FNIP1: variants seen among roughly 807,000 people sequenced by gnomAD.
FNIP1 encodes folliculin interacting protein 1.
In FNIP1, 40 loss-of-function variants were observed where a neutral mutation model predicts 124.5. That is an observed-to-expected ratio of 0.32 (90% confidence interval 0.25 to 0.42). The LOEUF (loss-of-function observed/expected upper bound fraction) is 0.42. FNIP1 is among the 10% of genes least tolerant of loss of function. FNIP1 has a pLI of 1.00. For missense variants in FNIP1, 1,176 were observed against 1,403.7 expected (o/e 0.84, Z 2.59); for synonymous variants, 472 against 470.6 (o/e 1.00, Z -0.04).
intron 1 of FNIP1, among the ~76,000 whole-genome samples, chr5:131,748,235 T>C (rs1219537128): frequency 6.6e-6 from 1 of 152,074 alleles, no homozygotes; most frequent in Non-Finnish European, 1.5e-5. Flanking sequence ...ATAATGCAGT[T>C]CAAAAACTCC....
chr5:131,747,994 T>C (rs1046826779), intron 1 of FNIP1, among the ~76,000 whole-genome samples: 1 of 151,932 alleles, frequency 6.6e-6, no homozygotes, highest in Admixed American at 6.6e-5. Flanking sequence ...AAGATGTACA[T>C]GGGTGCAGAA....
At chr5:131,728,275 C>T (rs1489876367) in intron 3 of FNIP1, among the ~76,000 whole-genome samples, 6 of 152,124 alleles carry the variant, frequency 3.9e-5, no homozygotes, top group South Asian at 2.1e-4. Context: ...AGAGTGTTTT[C>T]CAACTTGGTT....
chr5:131,653,047 T>A (rs771139043), intron 15 of FNIP1, among the ~76,000 whole-genome samples: 2 of 152,188 alleles, frequency 1.3e-5, no homozygotes, highest in Non-Finnish European at 2.9e-5. Context: ...GTGCTAACTA[T>A]CCCAATATGT....
At chr5:131,688,702 TAA>T (rs61408307) in intron 11 of FNIP1, among the ~76,000 whole-genome samples, 4 of 130,248 alleles carry the variant, frequency 3.1e-5, no homozygotes, top group Non-Finnish European at 3.2e-5. Context: ...TGCTAGCAAT[TAA>T]AAAAAAAAAA....
In FNIP1 at chr5:131,697,809, T is replaced by TA. The variant is rs70974008; in HGVS notation, c.1202+1107dup. Among the ~76,000 whole-genome samples the TA allele has an allele frequency of 4.7e-3, 681 of 145,688 alleles. 13 individuals are homozygous for TA. The highest frequency in any genetic ancestry group is 0.016 in the African/African-American group (646 of 39,806). On this transcript the variant is annotated intron_variant, in intron 11 of 17. Coordinates refer to ENST00000510461, the MANE Select transcript of FNIP1 (RefSeq NM_133372.3). Reference sequence around the variant, plus strand: ...GGTGAAACCCCGTCTCTACTAAAAATAAAAAAAAAATTAGCCAAGCATGGT... The same window carrying TA: ...GGTGAAACCCCGTCTCTACTAAAAATAAAAAAAAAAATTAGCCAAGCATGGT...
intron 2 of FNIP1, among the ~76,000 whole-genome samples, chr5:131,744,133 A>C: frequency 6.6e-6 from 1 of 152,124 alleles, no homozygotes. Context: ...ATCAAAATTA[A>C]GAGTAAGGGA....
rs1306555976 is a variant in FNIP1, at chr5:131,672,753, A to C, written c.1691T>G (p.Met564Arg). ...LENGEDEAIV[M>R]PGTVITTTLE... is the part of the protein sequence containing the mutation. The stretch of plus-strand genomic sequence containing the variant: ...AGTGGTAGTAATTACTGTGCCTGGC[A>C]TAACGATGGCTTCATCTTCTCCATT... The change falls in exon 14 of 18, where the codon ATG becomes AGG. Residue 564 changes from methionine to arginine, a missense_variant. Physicochemically the swap from Met to Arg is moderately conservative, Grantham distance 91. Transcript: ENST00000510461. The C allele has an allele frequency of 6.2e-7, 1 of 1,613,756 alleles. No individual in the cohort carries two copies. Among genetic ancestry groups the C allele is most frequent in the Admixed American group, 1.7e-5 (1 of 59,946 alleles).
intron 15 of FNIP1, among the ~76,000 whole-genome samples, chr5:131,655,203 G>A (rs1486023135): frequency 6.6e-6 from 1 of 152,118 alleles, no homozygotes; most frequent in East Asian, 1.9e-4. Context: ...GGCATGTCAT[G>A]AATACATAAA....
At chr5:131,709,326 T>A (rs1190704309) in intron 7 of FNIP1, 54 bp from the exon 8 acceptor site, 9 of 1,449,192 alleles carry the variant, frequency 6.2e-6, no homozygotes, top group African/African-American at 1.4e-5. Flanking sequence ...TTCAGGTGGA[T>A]GAACAGCTCC....
chr5:131,645,718 A>G (rs1201372316), intron 17 of FNIP1, among the ~76,000 whole-genome samples: 1 of 152,228 alleles, frequency 6.6e-6, no homozygotes, highest in Non-Finnish European at 1.5e-5. Flanking sequence ...AGAGACTTAT[A>G]TTCAGTCTGG....
At chr5:131,763,582 G>C (rs1010049325) in intron 1 of FNIP1, among the ~76,000 whole-genome samples, 3 of 151,930 alleles carry the variant, frequency 2.0e-5, no homozygotes, top group African/African-American at 7.3e-5. Context: ...AAAGAAATGG[G>C]GGAGGTGCTA....
intron 10 of FNIP1, among the ~76,000 whole-genome samples, chr5:131,700,128 C>T (rs1328291017): frequency 6.6e-6 from 1 of 151,574 alleles, no homozygotes; most frequent in East Asian, 2.0e-4. Flanking sequence ...GGACTACAGG[C>T]ACACACCACC....
chr5:131,739,662 C>A (rs372702361), intron 2 of FNIP1, among the ~76,000 whole-genome samples: 3 of 151,570 alleles, frequency 2.0e-5, no homozygotes, highest in Non-Finnish European at 4.4e-5. Context: ...AAATACAAAA[C>A]GTTAGCCGGG....
chr5:131,659,644 T>A (rs1767351257), intron 15 of FNIP1, among the ~76,000 whole-genome samples: 1 of 152,132 alleles, frequency 6.6e-6, no homozygotes, highest in Admixed American at 6.5e-5. Flanking sequence ...TGTGGGTGAC[T>A]CCATCGCTGG....
At chr5:131,781,699 A>G (rs1024791083) in intron 1 of FNIP1, among the ~76,000 whole-genome samples, 1 of 152,226 alleles carries the variant, frequency 6.6e-6, no homozygotes, top group African/African-American at 2.4e-5. Flanking sequence ...CTCATTAACA[A>G]TGCATCTTGT....
chr5:131,664,332 A>G (rs1339322024), intron 15 of FNIP1, among the ~76,000 whole-genome samples: 2 of 152,206 alleles, frequency 1.3e-5, no homozygotes, highest in African/African-American at 4.8e-5. Flanking sequence ...AATTGGGTTT[A>G]ATGTTACTAA....
intron 1 of FNIP1, among the ~76,000 whole-genome samples, chr5:131,746,725 A>G (rs894744045): frequency 3.3e-5 from 5 of 152,178 alleles, no homozygotes; most frequent in African/African-American, 4.8e-5. Flanking sequence ...ATTGTGAACA[A>G]TGCTGCAATG....
chr5:131,749,451 G>A (rs1206654810), intron 1 of FNIP1, among the ~76,000 whole-genome samples: 1 of 149,578 alleles, frequency 6.7e-6, no homozygotes, highest in Non-Finnish European at 1.5e-5. Context: ...GAAGTGCAGT[G>A]GTGCGATTTT....
At chr5:131,785,907 T>G (rs1178056679) in intron 1 of FNIP1, among the ~76,000 whole-genome samples, 3 of 152,208 alleles carry the variant, frequency 2.0e-5, no homozygotes, top group Non-Finnish European at 4.4e-5. Context: ...AAATGTGCAG[T>G]TTGTGTTTTA....
Sources: gnomAD v4.1 joint callset for allele counts (sites outside exome capture counted in the v4.1 genomes callset) on GRCh38, gnomAD v4.1.1 for gene constraint, MANE v1.5 for transcripts, NCBI Gene and HGNC (gene_info 2026-07-23, HGNC 2026-07-21) for gene names.